Variants in CCDC6 observed in about 807,000 individuals in gnomAD.
The protein encoded by CCDC6 is coiled-coil domain containing 6, also known as coiled-coil domain-containing protein 6.
In CCDC6, 20 loss-of-function variants were observed where a neutral mutation model predicts 56.6. The observed-to-expected ratio is 0.35, with a 90% confidence interval of 0.25 to 0.51. The LOEUF is 0.51. Ranked by LOEUF, CCDC6 falls within the 20% of genes least tolerant of loss-of-function variation. The pLI is 0.95. For missense variants in CCDC6, 367 were observed against 601.1 expected, an observed-to-expected ratio of 0.61 and a Z score of 4.07; for synonymous variants, 241 against 234.4, an observed-to-expected ratio of 1.03 and a Z score of -0.26.
chr10:59,816,411 G>A (rs978726821), intron 3 of CCDC6, among the ~76,000 whole-genome samples: 3 of 152,050 alleles, frequency 2.0e-5, no homozygotes, highest in African/African-American at 2.4e-5. Flanking sequence ...CTACAAACAG[G>A]TACAGTCACA....
In CCDC6 at chr10:59,889,307, G is replaced by A. The variant is rs184525571; in HGVS notation, c.303+16815C>T. On this transcript the variant is annotated intron_variant, in intron 1 of 8. Coordinates refer to ENST00000263102, the MANE Select transcript of CCDC6 (RefSeq NM_005436.5). ...TATGGGAGGGGCTTCTGAGGCAGGAGGAAGATGGATAGGAAAGACCTCAAA... is the reference window on the plus strand; with the variant it reads ...TATGGGAGGGGCTTCTGAGGCAGGAAGAAGATGGATAGGAAAGACCTCAAA... Among the ~76,000 whole-genome samples the A allele has an allele frequency of 4.6e-5, 7 of 152,322 alleles. No individual in the cohort carries two copies. The East Asian group carries it at 1.2e-3, about 25-fold the overall frequency.
intron 2 of CCDC6, among the ~76,000 whole-genome samples, chr10:59,841,625 A>C (rs1225442516): frequency 6.6e-6 from 1 of 151,634 alleles, no homozygotes; most frequent in Non-Finnish European, 1.5e-5. Flanking sequence ...CCACGACAAC[A>C]ATCAATATAG....
At chr10:59,812,062 C>CAAAAAAAAAAAAAAAAAAAAAACA (rs142710534) in intron 5 of CCDC6, among the ~76,000 whole-genome samples, 1 of 121,132 alleles carries the variant, frequency 8.3e-6, no homozygotes, top group Admixed American at 8.7e-5. Flanking sequence ...TTTGAATAGC[C>CAAAAAAAAAAAAAAAAAAAAAACA]AAAAAAAAAA....
At chr10:59,863,970 T>C (rs2071156442) in intron 1 of CCDC6, among the ~76,000 whole-genome samples, 1 of 152,184 alleles carries the variant, frequency 6.6e-6, no homozygotes, top group South Asian at 2.1e-4. Flanking sequence ...TACAGGCACA[T>C]TCCAACTTAT....
Position 59,885,138 on chromosome 10 carries a change from G to T in CCDC6, c.303+20984C>A, listed in dbSNP as rs186193154. On this transcript the variant is annotated intron_variant, in intron 1 of 8. Transcript: ENST00000263102. ...AAGAAAAGGAGAAAAGGAAAGAAAG[G>T]ACAGAGAATACGTGTGAATCAGGGA... 2.6e-5 allele frequency among the ~76,000 whole-genome samples: 4 copies of T among 152,080 alleles called. No individual in the cohort carries two copies. The East Asian group carries it at 7.7e-4, about 29-fold the overall frequency.
At chr10:59,837,825 ATC>A (rs3838771) in intron 2 of CCDC6, among the ~76,000 whole-genome samples, 1 of 149,588 alleles carries the variant, frequency 6.7e-6, no homozygotes, top group Admixed American at 6.7e-5. Context: ...GTCAACTAAT[ATC>A]TGTTACCCAC....
At position 59,794,556 on chromosome 10, in the gene CCDC6, T is replaced by C. The variant is rs368599035; in HGVS notation, c.1147A>G (p.Thr383Ala). 6.2e-6 allele frequency: 10 copies of C among 1,613,942 alleles called. No homozygotes were observed. Among genetic ancestry groups the C allele is most frequent in the Middle Eastern group, 1.6e-4 (1 of 6,084 alleles). ...GACATTCCAGCTCTAGTCAGTGAAG[T>C]TGGTGGCGTGAAACCAACCGTGTGA... is the stretch of plus-strand genomic sequence containing the variant. ...ASHTVGFTPP[T>A]SLTRAGMSYY... Residue 383 changes from threonine (T) to alanine (A), a missense_variant, in exon 8 of 9, where the codon ACT (threonine) becomes GCT (alanine). Transcript: ENST00000263102.
At chr10:59,798,236 C>T (rs2070541417) in intron 7 of CCDC6, among the ~76,000 whole-genome samples, 1 of 152,216 alleles carries the variant, frequency 6.6e-6, no homozygotes, top group Non-Finnish European at 1.5e-5. Context: ...ATACTATCAG[C>T]TATTAGAGGC....
chr10:59,792,908 G>C lies in CCDC6; in HGVS notation c.*9C>G. On this transcript the variant is annotated 3_prime_UTR_variant, in exon 9 of 9. Coordinates refer to ENST00000263102, the MANE Select transcript of CCDC6 (RefSeq NM_005436.5). ...AGTCCCAACTTGAAATTCAGACTAA[G>C]CTCATGCATTAAGGCTGGGAGGAGG... 6.2e-7 allele frequency: 1 copy of C among 1,610,458 alleles called. No individual in the cohort carries two copies. The highest frequency in any genetic ancestry group is 8.5e-7 in the Non-Finnish European group (1 of 1,177,674).
At position 59,870,974 on chromosome 10, in the gene CCDC6, T is replaced by C. The variant is rs570596694; in HGVS notation, c.304-18272A>G. ...CCTCTGCCATACACAATTCCTGAAA[T>C]GAAAACTCATCAGTATGAGAGGAGA... On this transcript the variant is annotated intron_variant, in intron 1 of 8. Coordinates refer to ENST00000263102, the MANE Select transcript of CCDC6 (RefSeq NM_005436.5). Among the ~76,000 whole-genome samples the C allele has an allele frequency of 3.9e-5, 6 of 152,240 alleles. 1 individual carries two copies. Among genetic ancestry groups the C allele is most frequent in the African/African-American group, 1.4e-4 (6 of 41,546 alleles).
intron 2 of CCDC6, among the ~76,000 whole-genome samples, chr10:59,848,291 T>TG (rs1481385762): frequency 3.9e-5 from 6 of 152,246 alleles, no homozygotes; most frequent in Admixed American, 2.6e-4. Flanking sequence ...TTAAAGTGTT[T>TG]GGGGTCTTTA....
At chr10:59,892,030 A>G (rs1186838640) in intron 1 of CCDC6, among the ~76,000 whole-genome samples, 1 of 152,186 alleles carries the variant, frequency 6.6e-6, no homozygotes, top group African/African-American at 2.4e-5. Context: ...TTGTCCTTCC[A>G]TCATTCGGCT....
At chr10:59,795,202 A>G (rs2070503568) in intron 7 of CCDC6, among the ~76,000 whole-genome samples, 1 of 152,202 alleles carries the variant, frequency 6.6e-6, no homozygotes, top group African/African-American at 2.4e-5. Context: ...AGATATTTGC[A>G]AACCATATAC....
chr10:59,812,883 A>G, intron 4 of CCDC6, 88 bp from the exon 5 acceptor site: 1 of 923,940 alleles, frequency 1.1e-6, no homozygotes. Context: ...TTGTTTTAAA[A>G]GCAAACTCCT....
At position 59,832,516 on chromosome 10, in the gene CCDC6, G is replaced by A. The variant is rs1213520713; in HGVS notation, c.582+9C>T. On this transcript the variant is annotated intron_variant, in intron 3 of 8. Coordinates refer to ENST00000263102, the MANE Select transcript of CCDC6 (RefSeq NM_005436.5). ...AATACAATGTAAAGGAAGAGCTACA[G>A]GTGCTTACCTGTTCTAATGTAAGTT... 5.0e-6 allele frequency: 8 copies of A among 1,608,590 alleles called. No homozygotes were observed. The highest frequency in any genetic ancestry group is 4.0e-5 in the African/African-American group (3 of 74,662).
chr10:59,869,193 T>C (rs2071203706), intron 1 of CCDC6, among the ~76,000 whole-genome samples: 1 of 151,546 alleles, frequency 6.6e-6, no homozygotes. Flanking sequence ...AGTCTTCCAG[T>C]TAAGTGCAAC....
chr10:59,789,456 A>C lies in CCDC6; in HGVS notation c.*3461T>G, dbSNP rs574432305. 2.3e-4 allele frequency: 54 copies of C among 232,014 alleles called. No homozygotes were observed. The highest frequency in any genetic ancestry group is 1.3e-3 in the Middle Eastern group (1 of 784). The allele number at this position is 232,014 out of a possible 1,614,324, so 14.4% of individuals were successfully genotyped here. A position where few individuals can be genotyped will look rare whatever the true frequency, so the allele number is the denominator to read the frequency against. On this transcript the variant is annotated 3_prime_UTR_variant, in exon 9 of 9. Coordinates refer to ENST00000263102, the MANE Select transcript of CCDC6 (RefSeq NM_005436.5). ...TCAAAAAATTAAAGAAGAAAAAAAA[A>C]CCCTAAAAAACAAAGAAAAAAACAA...
At chr10:59,836,696 A>G (rs1162358720) in intron 2 of CCDC6, among the ~76,000 whole-genome samples, 1 of 152,272 alleles carries the variant, frequency 6.6e-6, no homozygotes, top group African/African-American at 2.4e-5. Context: ...TATAAAGTCA[A>G]TCTCAAAGAT....
chr10:59,836,052 T>TGAA (rs777308614), intron 2 of CCDC6, among the ~76,000 whole-genome samples: 3 of 57,596 alleles, frequency 5.2e-5, no homozygotes, highest in Non-Finnish European at 6.8e-5. Context: ...CGACCCTGTC[T>TGAA]AAAAAAAAAA....
Sources: gnomAD v4.1 joint callset for allele counts (sites outside exome capture counted in the v4.1 genomes callset) on GRCh38, gnomAD v4.1.1 for gene constraint, MANE v1.5 for transcripts, NCBI Gene and HGNC (gene_info 2026-07-23, HGNC 2026-07-21) for gene names.